The following UBE2V2 variants were observed in gnomAD, a reference collection of about 807,000 sequenced individuals.
The protein encoded by UBE2V2 is ubiquitin-conjugating enzyme E2 variant 2.
In UBE2V2, 9 loss-of-function variants were observed where a neutral mutation model predicts 17.2. The observed-to-expected ratio is 0.52, with a 90% CI of 0.32 to 0.91. UBE2V2 has a LOEUF of 0.91. Among genes scored for constraint, UBE2V2 ranks in the 40% least tolerant of loss-of-function variants. The probability of loss-of-function intolerance (pLI) is 0.04; values close to 1 mark genes in which losing one functional copy is unlikely to be tolerated. For synonymous variants in UBE2V2, 61 were observed against 57.5 expected (o/e 1.06, Z -0.28); for missense variants, 133 against 182.6 (o/e 0.73, Z 1.56).
intron 1 of UBE2V2, among the ~76,000 whole-genome samples, chr8:48,039,903 T>C (rs1474154564): frequency 6.6e-6 from 1 of 152,182 alleles, no homozygotes; most frequent in East Asian, 1.9e-4. Context: ...CTAATTTTTG[T>C]ATTTTTTGTA....
At chr8:48,042,838 C>A in intron 1 of UBE2V2, 195 bp from the exon 2 acceptor site, 1 of 442,308 alleles carries the variant, frequency 2.3e-6, no homozygotes, top group Admixed American at 3.8e-5. Context: ...ATGTTTGGTA[C>A]AGTGCTTTCT....
chr8:48,018,057 G>A lies in UBE2V2; in HGVS notation c.16+9587G>A, dbSNP rs994145268. Among the ~76,000 whole-genome samples, 6 of 151,642 alleles carry A rather than the reference G, an allele frequency of 4.0e-5. No homozygotes were observed. In the East Asian group the frequency reaches 7.9e-4, roughly 20 times the overall value. The stretch of plus-strand genomic sequence containing the variant: ...TCGCCATGTTGGCCAGGCTGGTCTC[G>A]AACTCCTGACCTCAGGTGATCCACA... On this transcript the variant is annotated intron_variant, in intron 1 of 3. Coordinates refer to ENST00000523111, the MANE Select transcript of UBE2V2 (RefSeq NM_003350.3).
At chr8:48,050,686 C>T (rs1366471227) in intron 3 of UBE2V2, among the ~76,000 whole-genome samples, 2 of 137,488 alleles carry the variant, frequency 1.5e-5, no homozygotes, top group Non-Finnish European at 3.1e-5. Flanking sequence ...GAAACTCCGT[C>T]TCAAAAAAAA....
At position 48,064,211 on chromosome 8, in the gene UBE2V2, G is replaced by C; in HGVS notation, c.*3383G>C. The C allele has an allele frequency of 6.6e-6, 1 of 152,168 alleles. No individual in the cohort carries two copies. The allele number at this position is 152,168 out of a possible 1,614,324, so 9.4% of individuals were successfully genotyped here. A position where few individuals can be genotyped will look rare whatever the true frequency, so the allele number is the denominator to read the frequency against. Reference sequence around the variant, plus strand: ...GTATGCTTTTTAGGCATCTGTATGTGTAATATCATAGTATCATTTATTGCT... The same window carrying C: ...GTATGCTTTTTAGGCATCTGTATGTCTAATATCATAGTATCATTTATTGCT... On this transcript the variant is annotated 3_prime_UTR_variant, in exon 4 of 4. Coordinates refer to ENST00000523111, the MANE Select transcript of UBE2V2 (RefSeq NM_003350.3).
intron 3 of UBE2V2, among the ~76,000 whole-genome samples, chr8:48,056,883 C>T (rs943761820): frequency 6.6e-6 from 1 of 151,744 alleles, no homozygotes; most frequent in African/African-American, 2.4e-5. Context: ...GCCACCACGC[C>T]TGGCTAATTT....
intron 1 of UBE2V2, among the ~76,000 whole-genome samples, chr8:48,037,804 G>A (rs544371880): frequency 6.6e-6 from 1 of 152,326 alleles, no homozygotes; most frequent in East Asian, 1.9e-4. Flanking sequence ...TTAACTGAGT[G>A]CTTAACACTT....
chr8:48,058,383 G>A lies in UBE2V2; in HGVS notation c.292-2299G>A, dbSNP rs561544878. On this transcript the variant is annotated intron_variant, in intron 3 of 3. Coordinates refer to ENST00000523111, the MANE Select transcript of UBE2V2 (RefSeq NM_003350.3). ...CTTGGGAGGCTGAGGCAGGAGAATC[G>A]CTTGAACTGGGGAGGCATGGGTTGC... Among the ~76,000 whole-genome samples the A allele has an allele frequency of 5.3e-5, 8 of 151,662 alleles. No homozygotes were observed. The East Asian group carries it at 7.8e-4, about 15-fold the overall frequency.
In UBE2V2 at chr8:48,008,662, G is replaced by A. The variant is rs921728758; in HGVS notation, c.16+192G>A. 43 of 734,004 alleles carry A rather than the reference G, an allele frequency of 5.9e-5. No individual in the cohort carries two copies. The Admixed American group carries it at 8.1e-4, about 14-fold the overall frequency. The allele number at this position is 734,004 out of a possible 1,614,324, so 45.5% of individuals were successfully genotyped here. A position where few individuals can be genotyped will look rare whatever the true frequency, so the allele number is the denominator to read the frequency against. ...AGGCCCCGGCGGCCGTCGGGTTGGC[G>A]GGTCGTGCTCGCGCGTCGGCCGCGC... On this transcript the variant is annotated intron_variant, in intron 1 of 3. Coordinates refer to ENST00000523111, the MANE Select transcript of UBE2V2 (RefSeq NM_003350.3).
rs1361151183 is a variant in UBE2V2 at position 48,063,199 on chromosome 8, C to G, written c.*2371C>G. The G allele has an allele frequency of 6.6e-6, 1 of 152,212 alleles. No individual in the cohort carries two copies. The highest frequency in any genetic ancestry group is 6.5e-5 in the Admixed American group (1 of 15,286). The allele number at this position is 152,212 out of a possible 1,614,324, so 9.4% of individuals were successfully genotyped here. ...TTGTCAGAGTCAGCCCTATAATGTTCATTTCCCCTCTTGTTTGTGGGATTA... is the reference window on the plus strand; with the variant it reads ...TTGTCAGAGTCAGCCCTATAATGTTGATTTCCCCTCTTGTTTGTGGGATTA... On this transcript the variant is annotated 3_prime_UTR_variant, in exon 4 of 4. Transcript: ENST00000523111.
At chr8:48,000,541 G>A in the UBE2V2 span, among the ~76,000 whole-genome samples, 4 of 152,132 alleles carry the variant, frequency 2.6e-5, no homozygotes, top group African/African-American at 9.7e-5. Context: ...GTCCTCAATG[G>A]CTGGGTGCAG....
chr8:48,017,135 G>C (rs1326779206), intron 1 of UBE2V2, among the ~76,000 whole-genome samples: 2 of 152,020 alleles, frequency 1.3e-5, no homozygotes, highest in Non-Finnish European at 2.9e-5. Flanking sequence ...TGGGAGTGAG[G>C]TGATACCTCA....
At chr8:48,056,891 T>A (rs918291244) in intron 3 of UBE2V2, among the ~76,000 whole-genome samples, 6 of 149,598 alleles carry the variant, frequency 4.0e-5, no homozygotes, top group Non-Finnish European at 6.0e-5. Context: ...GCCTGGCTAA[T>A]TTTTTGTATT....
intron 1 of UBE2V2, among the ~76,000 whole-genome samples, chr8:48,025,857 C>T (rs1335274278): frequency 1.3e-5 from 2 of 152,066 alleles, no homozygotes; most frequent in African/African-American, 4.8e-5. Flanking sequence ...GCCTTGGTCT[C>T]CCAAAGTGCT....
chr8:48,018,814 ATATT>A (rs2091285852), intron 1 of UBE2V2, among the ~76,000 whole-genome samples: 1 of 152,116 alleles, frequency 6.6e-6, no homozygotes, highest in Non-Finnish European at 1.5e-5. Flanking sequence ...TTTGCTTTAT[ATATT>A]TAGGTGCTTT....
chr8:48,059,697 C>T (rs1339329639), intron 3 of UBE2V2, among the ~76,000 whole-genome samples: 1 of 152,182 alleles, frequency 6.6e-6, no homozygotes, highest in Non-Finnish European at 1.5e-5. Context: ...AGGCGTGAGC[C>T]ACCGCATCCG....
At chr8:48,033,255 C>T (rs1299392941) in intron 1 of UBE2V2, among the ~76,000 whole-genome samples, 1 of 151,574 alleles carries the variant, frequency 6.6e-6, no homozygotes, top group African/African-American at 2.4e-5. Context: ...GGTGTGATGT[C>T]AGCTCACTGC....
At chr8:48,011,852 G>A (rs937847790) in intron 1 of UBE2V2, among the ~76,000 whole-genome samples, 2 of 152,118 alleles carry the variant, frequency 1.3e-5, no homozygotes, top group Non-Finnish European at 1.5e-5. Context: ...CAGGGTCTCC[G>A]TATGTTATCC....
At chr8:48,032,737 C>T (rs1004457020) in intron 1 of UBE2V2, among the ~76,000 whole-genome samples, 7 of 152,244 alleles carry the variant, frequency 4.6e-5, no homozygotes, top group Admixed American at 1.3e-4. Context: ...AAAACAAACA[C>T]GCAGACACAC....
At chr8:48,015,356 G>A (rs550214670) in intron 1 of UBE2V2, among the ~76,000 whole-genome samples, 21 of 152,140 alleles carry the variant, frequency 1.4e-4, no homozygotes, top group East Asian at 3.9e-4. Context: ...CTGCCTGGGC[G>A]ACAGAGCAAG....
Sources: gnomAD v4.1 joint callset for allele counts (sites outside exome capture counted in the v4.1 genomes callset) on GRCh38, gnomAD v4.1.1 for gene constraint, MANE v1.5 for transcripts, NCBI Gene and HGNC (gene_info 2026-07-23, HGNC 2026-07-21) for gene names.